The following TRERF1 variants were observed in gnomAD, a reference collection of about 807,000 sequenced individuals.
TRERF1 encodes transcriptional regulating factor 1, also known as transcriptional-regulating factor 1.
Under a neutral mutation model 122.9 loss-of-function variants are expected in TRERF1, and 27 were observed. The observed-to-expected ratio is 0.22, with a 90% CI of 0.16 to 0.30. The LOEUF is 0.30. TRERF1 is among the 10% of genes least tolerant of loss of function. The pLI, the probability that TRERF1 is intolerant of heterozygous loss-of-function variation, is 1.00. For synonymous variants in TRERF1, 636 were observed against 641.7 expected, an observed-to-expected ratio of 0.99 and a Z score of 0.13; for missense variants, 1,248 against 1,560.3, an observed-to-expected ratio of 0.80 and a Z score of 3.37.
chr6:42,347,069 T>C (rs1768438604), intron 3 of TRERF1, among the ~76,000 whole-genome samples: 1 of 152,220 alleles, frequency 6.6e-6, no homozygotes, highest in Non-Finnish European at 1.5e-5. Context: ...GACACGAGCT[T>C]ATCAGCCATC....
intron 2 of TRERF1, among the ~76,000 whole-genome samples, chr6:42,423,028 A>G (rs1783029301): frequency 6.6e-6 from 1 of 152,078 alleles, no homozygotes; most frequent in African/African-American, 2.4e-5. Flanking sequence ...TAGTAGAGAC[A>G]GGGTTTCTCC....
At chr6:42,331,752 C>A (rs914748401) in intron 3 of TRERF1, among the ~76,000 whole-genome samples, 1 of 152,174 alleles carries the variant, frequency 6.6e-6, no homozygotes, top group Admixed American at 6.5e-5. Flanking sequence ...ACATTCCATG[C>A]CACTGAGTTC....
At chr6:42,371,386 T>C (rs2151037916) in intron 2 of TRERF1, among the ~76,000 whole-genome samples, 1 of 152,260 alleles carries the variant, frequency 6.6e-6, no homozygotes, top group East Asian at 1.9e-4. Context: ...ACCCTTCCAG[T>C]GTCTAGGAGG....
rs771133216 is a variant in TRERF1, at chr6:42,232,945, G to T, written c.3067-53C>A. ...TCTACAGTCCTGAAAAGGAAATTAGGGTTATTAGTTACTCAGTGGTAAACA... is the reference window on the plus strand; with the variant it reads ...TCTACAGTCCTGAAAAGGAAATTAGTGTTATTAGTTACTCAGTGGTAAACA... On this transcript the variant is annotated intron_variant, in intron 16 of 17. Coordinates refer to ENST00000372922, the Ensembl canonical transcript of TRERF1. This position sits in a 1 kb window ranked among gnomAD's most constrained non-coding sequence, Gnocchi z 4.5. The T allele has an allele frequency of 2.0e-6, 3 of 1,511,708 alleles. No homozygotes were observed. Among genetic ancestry groups the T allele is most frequent in the African/African-American group, 1.4e-5 (1 of 72,814 alleles). The allele number at this position is 1,511,708 out of a possible 1,614,324, so 93.6% of individuals were successfully genotyped here.
intron 4 of TRERF1, among the ~76,000 whole-genome samples, chr6:42,298,394 G>A (rs1785466182): frequency 6.6e-6 from 1 of 151,732 alleles, no homozygotes; most frequent in Admixed American, 6.6e-5. Context: ...GACTTCAGGT[G>A]ATCCACCCAC....
chr6:42,263,501 G>A lies in TRERF1; in HGVS notation c.1703C>T (p.Pro568Leu), dbSNP rs755069228. The A allele has an allele frequency of 7.7e-6, 12 of 1,559,180 alleles. No homozygotes were observed. The highest frequency in any genetic ancestry group is 3.7e-5 in the South Asian group (3 of 81,728). Residue 568 changes from proline (P) to leucine (L), a missense_variant, in exon 8 of 18, where the codon CCG (proline) becomes CTG (leucine). Pro to Leu is a moderately conservative substitution (Grantham distance 98, BLOSUM62 -3). Transcript: ENST00000372922. This position sits in a 1 kb window ranked among gnomAD's most constrained non-coding sequence, Gnocchi z 5.6. ...TGCCTCGGGAGGGAGCTGTGGTGGC[G>A]GCGGAGGCGGAGGCGGAGGCGGCAG...
chr6:42,303,927 A>AAAAAG (rs1554157103), intron 3 of TRERF1, among the ~76,000 whole-genome samples: 128 of 150,104 alleles, frequency 8.5e-4, no homozygotes, highest in African/African-American at 3.0e-3. Flanking sequence ...AAAAAAAAAA[A>AAAAAG]AAGAAGATGT....
intron 2 of TRERF1, among the ~76,000 whole-genome samples, chr6:42,409,847 A>G (rs1019191015): frequency 6.6e-6 from 1 of 152,188 alleles, no homozygotes; most frequent in Non-Finnish European, 1.5e-5. Context: ...CTGTGTAAGG[A>G]TTGCTACACG....
chr6:42,382,273 G>A (rs1003484330), intron 2 of TRERF1, among the ~76,000 whole-genome samples: 3 of 151,716 alleles, frequency 2.0e-5, no homozygotes, highest in African/African-American at 4.8e-5. Flanking sequence ...TGGGGAGCAC[G>A]GACACACTGA....
At chr6:42,411,615 C>T (rs1372434037) in intron 2 of TRERF1, among the ~76,000 whole-genome samples, 1 of 152,190 alleles carries the variant, frequency 6.6e-6, no homozygotes, top group Non-Finnish European at 1.5e-5. Context: ...GTCTCCGTTT[C>T]CTCAGACCAG....
At chr6:42,445,620 T>C (rs1787373821) in intron 2 of TRERF1, among the ~76,000 whole-genome samples, 1 of 151,900 alleles carries the variant, frequency 6.6e-6, no homozygotes, top group African/African-American at 2.4e-5. Context: ...CCCGCCTCCC[T>C]CTCCCAATCT....
intron 3 of TRERF1, among the ~76,000 whole-genome samples, chr6:42,343,120 CATCT>C (rs1398056248): frequency 6.6e-6 from 1 of 152,174 alleles, no homozygotes; most frequent in Admixed American, 6.5e-5. Context: ...CAACTCCATC[CATCT>C]GTCACTGGGC....
rs565578494 is a variant in TRERF1 at position 42,315,437 on chromosome 6, C to T, written c.-370-14688G>A. Among the ~76,000 whole-genome samples, 9 of 152,246 alleles carry T rather than the reference C, an allele frequency of 5.9e-5. No homozygotes were observed. In the South Asian group the frequency reaches 1.7e-3, roughly 28 times the overall value. On this transcript the variant is annotated intron_variant, in intron 3 of 17. Coordinates refer to ENST00000372922, the Ensembl canonical transcript of TRERF1. ...TGCCTCGTGCCTGCTGGAGTGTGAT[C>T]CTTACACGTGGCACATCCAGGTCTA...
At chr6:42,439,315 C>T (rs1019969923) in intron 2 of TRERF1, among the ~76,000 whole-genome samples, 2 of 152,172 alleles carry the variant, frequency 1.3e-5, no homozygotes, top group African/African-American at 2.4e-5. Context: ...TGCCCAATCC[C>T]TGCTCACCTC....
chr6:42,326,368 A>G (rs962565303), intron 3 of TRERF1, among the ~76,000 whole-genome samples: 3 of 152,168 alleles, frequency 2.0e-5, no homozygotes, highest in Admixed American at 1.3e-4. Context: ...TCTCTCTTGG[A>G]AAGTGGGAGA....
At position 42,237,616 on chromosome 6, in the gene TRERF1, C is replaced by T. The variant is rs1000832291; in HGVS notation, c.2860-1205G>A. On this transcript the variant is annotated intron_variant, in intron 15 of 17. Coordinates refer to ENST00000372922, the Ensembl canonical transcript of TRERF1. ...TCTGCATAACTCATCACTTAATGCA[C>T]GTGGGTTCCAGTCTACTCTACCCCT... 2.0e-5 allele frequency among the ~76,000 whole-genome samples: 3 copies of T among 152,174 alleles called. No individual in the cohort carries two copies. The South Asian group carries it at 6.2e-4, about 31-fold the overall frequency.
chr6:42,441,881 G>C (rs994772117), intron 2 of TRERF1, among the ~76,000 whole-genome samples: 1 of 152,064 alleles, frequency 6.6e-6, no homozygotes, highest in South Asian at 2.1e-4. Context: ...AGGAGCCCAG[G>C]AACAGCCCCT....
At chr6:42,278,579 G>A (rs1454136757) in intron 4 of TRERF1, among the ~76,000 whole-genome samples, 1 of 152,150 alleles carries the variant, frequency 6.6e-6, no homozygotes, top group Non-Finnish European at 1.5e-5. Context: ...CCAGGGATGA[G>A]GACCACTCCA....
At chr6:42,383,402 G>T (rs1242468303) in intron 2 of TRERF1, among the ~76,000 whole-genome samples, 2 of 151,930 alleles carry the variant, frequency 1.3e-5, no homozygotes, top group Admixed American at 6.6e-5. Context: ...CAAACACTCC[G>T]TGCTCTGGAT....
Sources: gnomAD v4.1 joint callset for allele counts (sites outside exome capture counted in the v4.1 genomes callset) on GRCh38, gnomAD v4.1.1 for gene constraint, Gnocchi (gnomAD v3.1) non-coding constraint, MANE v1.5 for transcripts, NCBI Gene and HGNC (gene_info 2026-07-23, HGNC 2026-07-21) for gene names.